DNAJC12: variants seen among roughly 807,000 people sequenced by gnomAD.
The protein encoded by DNAJC12 is DnaJ heat shock protein family (Hsp40) member C12.
In DNAJC12, 25 loss-of-function variants were observed where a neutral mutation model predicts 28.5. The ratio of observed to expected loss-of-function variants is 0.88; its 90% CI spans 0.64 to 1.22. DNAJC12 has a LOEUF of 1.22. Ranked by LOEUF, DNAJC12 falls within the 50% of genes most tolerant of loss-of-function variation. The pLI is 0.00. For missense variants in DNAJC12, 222 were observed against 231.7 expected, an observed-to-expected ratio of 0.96 and a Z score of 0.27; for synonymous variants, 77 against 80.6, an observed-to-expected ratio of 0.95 and a Z score of 0.24.
At chr10:67,824,888 CACGCCTGGCTAATTTTTGTATTTTTA>C (rs1026228688) in intron 1 of DNAJC12, among the ~76,000 whole-genome samples, 6 of 152,044 alleles carry the variant, frequency 3.9e-5, no homozygotes, top group Non-Finnish European at 7.4e-5. Flanking sequence ...TGCCCACCAC[CACGCCTGGCTAATTTTTGTATTTTTA>C]GTAGAGATGG....
In DNAJC12 at chr10:67,823,403, A is replaced by T. The variant is rs773601589; in HGVS notation, c.79-11T>A. Reference sequence around the variant, plus strand: ...CAGGATTTGTTCAACCTGAAACAAAAATCAGTGTTTAAAATAAAGAGTCAT... The same window carrying T: ...CAGGATTTGTTCAACCTGAAACAAATATCAGTGTTTAAAATAAAGAGTCAT... On this transcript the variant is annotated splice_polypyrimidine_tract_variant and intron_variant, in intron 1 of 4. Transcript: ENST00000225171. The T allele has an allele frequency of 1.9e-6, 3 of 1,612,980 alleles. No homozygotes were observed. The highest frequency in any genetic ancestry group is 2.5e-6 in the Non-Finnish European group (3 of 1,179,242).
At position 67,827,187 on chromosome 10, in the gene DNAJC12, G is replaced by T. The variant is rs979589650; in HGVS notation, c.79-3795C>A. Among the ~76,000 whole-genome samples the T allele has an allele frequency of 3.3e-5, 5 of 150,182 alleles. No individual in the cohort carries two copies. In the South Asian group the frequency reaches 1.1e-3, roughly 32 times the overall value. On this transcript the variant is annotated intron_variant, in intron 1 of 4. Coordinates refer to ENST00000225171, the MANE Select transcript of DNAJC12 (RefSeq NM_021800.3). The stretch of plus-strand genomic sequence containing the variant: ...GGATCACTTGAGGTCAGGAGTTCGA[G>T]ACCAGCCTGGCCAACATGGTGAAAC...
At chr10:67,832,862 G>A (rs922846688) in intron 1 of DNAJC12, among the ~76,000 whole-genome samples, 3 of 152,092 alleles carry the variant, frequency 2.0e-5, no homozygotes, top group Non-Finnish European at 4.4e-5. Flanking sequence ...TCACCTTAAC[G>A]AAGTGCTCAA....
In DNAJC12 at chr10:67,797,185, G is replaced by A. The variant is rs761746192; in HGVS notation, c.528C>T (p.His176=). The A allele has an allele frequency of 1.9e-6, 3 of 1,613,732 alleles. No individual in the cohort carries two copies. Among genetic ancestry groups the A allele is most frequent in the African/African-American group, 2.7e-5 (2 of 74,930 alleles). The part of the protein sequence containing the change: ...SSGFADVNGW[H]LRFRWSKDAP... ...CATCCTTGGACCAGCGGAAACGAAG[G>A]TGCCAACCATTCACATCTGCAAAAC... Residue 176 remains histidine (H), a synonymous_variant, in exon 5 of 5, where the codon CAC becomes CAT. Transcript: ENST00000225171.
chr10:67,817,729 T>C (rs1020717542), intron 2 of DNAJC12, among the ~76,000 whole-genome samples: 1 of 136,632 alleles, frequency 7.3e-6, no homozygotes, highest in Admixed American at 7.8e-5. Context: ...ATAAAAAAAA[T>C]CAGCTGGGCG....
chr10:67,814,228 A>C (rs893194242), intron 2 of DNAJC12, among the ~76,000 whole-genome samples: 1 of 152,196 alleles, frequency 6.6e-6, no homozygotes, highest in African/African-American at 2.4e-5. Flanking sequence ...AATTGATTTC[A>C]ACAAGAGTGC....
intron 1 of DNAJC12, among the ~76,000 whole-genome samples, chr10:67,825,025 G>A (rs989724944): frequency 5.9e-5 from 9 of 152,090 alleles, no homozygotes; most frequent in African/African-American, 1.4e-4. Flanking sequence ...GTGAGCCACC[G>A]TACCTGGGAA....
chr10:67,797,852 A>T (rs1034380292), intron 4 of DNAJC12, among the ~76,000 whole-genome samples: 8 of 152,072 alleles, frequency 5.3e-5, no homozygotes, highest in Non-Finnish European at 1.0e-4. Context: ...CATCCTGGCT[A>T]ACACGGTGAA....
chr10:67,824,298 A>G (rs1352956643), intron 1 of DNAJC12, among the ~76,000 whole-genome samples: 1 of 151,902 alleles, frequency 6.6e-6, no homozygotes, highest in Non-Finnish European at 1.5e-5. Context: ...TCCTAGTAAT[A>G]TATAAAATAT....
intron 1 of DNAJC12, among the ~76,000 whole-genome samples, chr10:67,835,717 GAC>G (rs34238470): frequency 0.015 from 1,797 of 119,032 alleles, 39 homozygotes; most frequent in African/African-American, 0.043. Context: ...GAGAAAAAAT[GAC>G]ACACACACAC....
In DNAJC12 at chr10:67,838,093, T is replaced by G. The variant is rs780390381; in HGVS notation, c.-82A>C. ...AATTAACAGGAAGAAACTCTTTAAA[T>G]CTGAATTAGAGCAGCATGTTCCACA... On this transcript the variant is annotated 5_prime_UTR_variant, in exon 1 of 5. Coordinates refer to ENST00000225171, the MANE Select transcript of DNAJC12 (RefSeq NM_021800.3). The G allele has an allele frequency of 3.2e-6, 3 of 936,082 alleles. No individual in the cohort carries two copies. Among genetic ancestry groups the G allele is most frequent in the South Asian group, 1.5e-5 (1 of 67,078 alleles). 58.0% of individuals were successfully genotyped at this position (936,082 alleles called of 1,614,324 possible). A position where few individuals can be genotyped will look rare whatever the true frequency, so the allele number is the denominator to read the frequency against.
intron 4 of DNAJC12, among the ~76,000 whole-genome samples, chr10:67,799,878 C>CTAAAAAA (rs1841723068): frequency 7.8e-6 from 1 of 128,340 alleles, no homozygotes; most frequent in Non-Finnish European, 1.6e-5. Flanking sequence ...GCGAGACTGT[C>CTAAAAAA]AAAAAAAAAA....
At chr10:67,819,713 AGG>A (rs1841958074) in intron 2 of DNAJC12, among the ~76,000 whole-genome samples, 1 of 13,954 alleles carries the variant, frequency 7.2e-5, no homozygotes, top group African/African-American at 2.0e-4. Flanking sequence ...GAAGGAAGGA[AGG>A]AAGCAAGGAA....
chr10:67,836,396 G>A (rs569917178), intron 1 of DNAJC12, among the ~76,000 whole-genome samples: 12 of 149,350 alleles, frequency 8.0e-5, no homozygotes, highest in Middle Eastern at 3.6e-3. Context: ...TGACTAAATA[G>A]GTCACAAGAT....
intron 1 of DNAJC12, among the ~76,000 whole-genome samples, chr10:67,832,308 T>C (rs1179299812): frequency 6.6e-6 from 1 of 151,726 alleles, no homozygotes; most frequent in East Asian, 1.9e-4. Context: ...AGATTCATTT[T>C]AATACTGATT....
At chr10:67,807,547 T>G (rs1017607762) in intron 3 of DNAJC12, among the ~76,000 whole-genome samples, 1 of 152,176 alleles carries the variant, frequency 6.6e-6, no homozygotes, top group African/African-American at 2.4e-5. Context: ...TTTGGTTTGG[T>G]TTTTGCATAT....
intron 3 of DNAJC12, among the ~76,000 whole-genome samples, chr10:67,806,271 C>A (rs1841799761): frequency 6.6e-6 from 1 of 152,158 alleles, no homozygotes; most frequent in Non-Finnish European, 1.5e-5. Flanking sequence ...ACCTCTATTA[C>A]CACAACTCAA....
intron 1 of DNAJC12, among the ~76,000 whole-genome samples, chr10:67,827,177 A>G (rs1018354411): frequency 1.2e-4 from 18 of 151,440 alleles, no homozygotes; most frequent in Admixed American, 3.3e-4. Context: ...ACTTGAGGTC[A>G]GGAGTTCGAG....
intron 3 of DNAJC12, among the ~76,000 whole-genome samples, chr10:67,806,300 C>A (rs1273351988): frequency 1.3e-5 from 2 of 152,180 alleles, no homozygotes; most frequent in Non-Finnish European, 2.9e-5. Context: ...GGAAACATAG[C>A]CTTTAACACC....
Sources: gnomAD v4.1 joint callset for allele counts (sites outside exome capture counted in the v4.1 genomes callset) on GRCh38, gnomAD v4.1.1 for gene constraint, MANE v1.5 for transcripts, NCBI Gene and HGNC (gene_info 2026-07-23, HGNC 2026-07-21) for gene names.